The following DPYD variants were observed in gnomAD, a reference collection of about 807,000 sequenced individuals.
The protein encoded by DPYD is dihydropyrimidine dehydrogenase, also known as dihydropyrimidine dehydrogenase [NADP(+)].
A neutral mutation model predicts 116.2 loss-of-function variants in DPYD; 109 were observed. That is an observed-to-expected ratio of 0.94 (90% CI 0.80 to 1.10). The LOEUF (loss-of-function observed/expected upper bound fraction) is 1.10. Ranked by LOEUF, DPYD falls within the 50% of genes least tolerant of loss-of-function variation. The pLI is 0.00. For missense variants in DPYD, 1,302 were observed against 1,254.5 expected, an observed-to-expected ratio of 1.04 and a Z score of -0.57; for synonymous variants, 440 against 432.0, an observed-to-expected ratio of 1.02 and a Z score of -0.23.
At chr1:97,565,290 G>T (rs1489544602) in intron 11 of DPYD, among the ~76,000 whole-genome samples, 1 of 151,992 alleles carries the variant, frequency 6.6e-6, no homozygotes, top group African/African-American at 2.4e-5. Context: ...ATTACAAATG[G>T]TGCACAATCC....
At chr1:97,286,215 A>T (rs1665667907) in intron 18 of DPYD, among the ~76,000 whole-genome samples, 2 of 152,020 alleles carry the variant, frequency 1.3e-5, no homozygotes, top group Admixed American at 1.3e-4. Flanking sequence ...CTGGGTTGAA[A>T]ATTCTTTTCT....
intron 20 of DPYD, among the ~76,000 whole-genome samples, chr1:97,128,738 A>C (rs1001449742): frequency 6.6e-6 from 1 of 152,206 alleles, no homozygotes. Flanking sequence ...AACAATGAGC[A>C]GAAGTCTGGA....
At chr1:97,548,716 T>A (rs1419480517) in intron 12 of DPYD, among the ~76,000 whole-genome samples, 2 of 152,078 alleles carry the variant, frequency 1.3e-5, no homozygotes, top group Non-Finnish European at 2.9e-5. Flanking sequence ...AGCCTGGGCA[T>A]TAGAGCGAGA....
chr1:97,563,188 T>A (rs935523634), intron 11 of DPYD, among the ~76,000 whole-genome samples: 1 of 152,240 alleles, frequency 6.6e-6, no homozygotes, highest in African/African-American at 2.4e-5. Flanking sequence ...TTTTATAGTT[T>A]AATTAAATCT....
At chr1:97,444,719 C>T (rs1366515350) in intron 14 of DPYD, among the ~76,000 whole-genome samples, 1 of 152,010 alleles carries the variant, frequency 6.6e-6, no homozygotes, top group East Asian at 1.9e-4. Context: ...TTTTTTAAAG[C>T]TTCTTATAAG....
At chr1:97,546,057 A>G in intron 12 of DPYD, 2 of 1,399,350 alleles carry the variant, frequency 1.4e-6, no homozygotes, top group Non-Finnish European at 1.0e-6. Flanking sequence ...TGAAGACAGC[A>G]ACAACATCAC....
chr1:97,872,703 C>T (rs953740337), intron 2 of DPYD, among the ~76,000 whole-genome samples: 3 of 151,860 alleles, frequency 2.0e-5, no homozygotes, highest in Admixed American at 2.0e-4. Context: ...AAAGAATGTG[C>T]CTTTTTAACA....
chr1:97,552,244 C>T (rs1429293476), intron 11 of DPYD, among the ~76,000 whole-genome samples: 2 of 152,080 alleles, frequency 1.3e-5, no homozygotes, highest in Non-Finnish European at 2.9e-5. Context: ...AAATTTGAAT[C>T]TTCACTTGAG....
intron 18 of DPYD, among the ~76,000 whole-genome samples, chr1:97,245,581 T>C (rs1309717639): frequency 6.6e-6 from 1 of 152,088 alleles, no homozygotes; most frequent in Non-Finnish European, 1.5e-5. Context: ...CACCATTCTA[T>C]GTGTTTTCAA....
At chr1:97,437,065 G>T (rs987998568) in intron 14 of DPYD, among the ~76,000 whole-genome samples, 29 of 151,552 alleles carry the variant, frequency 1.9e-4, no homozygotes, top group African/African-American at 6.5e-4. Flanking sequence ...CATACTTAAA[G>T]TATACAATTT....
intron 8 of DPYD, among the ~76,000 whole-genome samples, chr1:97,601,490 G>A (rs908769474): frequency 6.6e-6 from 1 of 151,948 alleles, no homozygotes; most frequent in African/African-American, 2.4e-5. Flanking sequence ...GTTTATATAT[G>A]TATTAGAGAA....
At chr1:97,314,308 C>T (rs1483003270) in intron 16 of DPYD, among the ~76,000 whole-genome samples, 1 of 151,820 alleles carries the variant, frequency 6.6e-6, no homozygotes, top group Non-Finnish European at 1.5e-5. Context: ...AAGGGAGATG[C>T]TGTCCATATT....
chr1:97,862,393 T>C (rs1671162969), intron 2 of DPYD, among the ~76,000 whole-genome samples: 2 of 151,680 alleles, frequency 1.3e-5, no homozygotes. Flanking sequence ...AGAAATCCAA[T>C]TAAAGAGAAA....
At chr1:97,674,923 A>G (rs568442366) in intron 8 of DPYD, among the ~76,000 whole-genome samples, 1 of 152,304 alleles carries the variant, frequency 6.6e-6, no homozygotes, top group Admixed American at 6.5e-5. Flanking sequence ...ACTATGGGAA[A>G]AAGGTGTTTA....
At chr1:97,828,300 T>C in intron 2 of DPYD, 104 bp from the exon 3 acceptor site, 2 of 965,480 alleles carry the variant, frequency 2.1e-6, no homozygotes, top group Non-Finnish European at 1.6e-6. Flanking sequence ...CATGGACTCA[T>C]GAAAAATATG....
intron 18 of DPYD, among the ~76,000 whole-genome samples, chr1:97,247,932 A>G: frequency 6.6e-6 from 1 of 152,230 alleles, no homozygotes; most frequent in Admixed American, 6.5e-5. Context: ...CTATTAAACT[A>G]AAGGAAGGAA....
intron 3 of DPYD, among the ~76,000 whole-genome samples, chr1:97,754,760 T>C (rs1665136337): frequency 6.6e-6 from 1 of 152,218 alleles, no homozygotes; most frequent in Non-Finnish European, 1.5e-5. Context: ...CCTCAGATTA[T>C]GTACAGGTGG....
intron 12 of DPYD, among the ~76,000 whole-genome samples, chr1:97,531,884 T>C (rs920278850): frequency 6.6e-6 from 1 of 152,138 alleles, no homozygotes; most frequent in African/African-American, 2.4e-5. Flanking sequence ...CTGGTCTTAT[T>C]GTAAATGGAT....
At chr1:97,478,358 G>A (rs982008886) in intron 13 of DPYD, among the ~76,000 whole-genome samples, 5 of 152,056 alleles carry the variant, frequency 3.3e-5, no homozygotes, top group African/African-American at 7.2e-5. Context: ...CATGACCTTA[G>A]CTCACTGCAA....
Sources: gnomAD v4.1 joint callset for allele counts (sites outside exome capture counted in the v4.1 genomes callset) on GRCh38, gnomAD v4.1.1 for gene constraint, MANE v1.5 for transcripts, NCBI Gene and HGNC (gene_info 2026-07-23, HGNC 2026-07-21) for gene names.